The following MTTP variants were observed in gnomAD, a reference collection of about 807,000 sequenced individuals.
MTTP encodes microsomal triglyceride transfer protein large subunit.
In MTTP, 49 loss-of-function variants were observed where a neutral mutation model predicts 90.6. The ratio of observed to expected loss-of-function variants is 0.54; its 90% confidence interval spans 0.43 to 0.69. The LOEUF (loss-of-function observed/expected upper bound fraction) is 0.69. MTTP is among the 30% of genes least tolerant of loss of function. The pLI, the probability that MTTP is intolerant of heterozygous loss-of-function variation, is 0.00. For missense variants in MTTP, 945 were observed against 1,067.5 expected (o/e 0.89, Z 1.60); for synonymous variants, 347 against 384.2 (o/e 0.90, Z 1.13).
intron 17 of MTTP, among the ~76,000 whole-genome samples, chr4:99,621,837 T>C (rs1262228903): frequency 1.3e-5 from 2 of 152,224 alleles, no homozygotes; most frequent in East Asian, 3.8e-4. Context: ...TTTGTAACCA[T>C]TATTTGTAAC....
intron 5 of MTTP, 101 bp downstream of exon 5, chr4:99,591,452 C>T: frequency 8.3e-7 from 1 of 1,200,250 alleles, no homozygotes; most frequent in Non-Finnish European, 1.2e-6. Context: ...AATTTTGAAA[C>T]ATTTGTAATT....
chr4:99,590,286 C>T (rs542851517), intron 4 of MTTP, among the ~76,000 whole-genome samples: 1 of 152,256 alleles, frequency 6.6e-6, no homozygotes, highest in South Asian at 2.1e-4. Flanking sequence ...GACAGGGTTT[C>T]ACCATGTTGG....
chr4:99,569,099 C>A (rs757887146), intron 1 of MTTP, among the ~76,000 whole-genome samples: 1 of 152,086 alleles, frequency 6.6e-6, no homozygotes, highest in African/African-American at 2.4e-5. Flanking sequence ...ACTGCTGAGC[C>A]AGGTGATCAA....
chr4:99,596,222 G>T (rs1208344253), intron 7 of MTTP, among the ~76,000 whole-genome samples: 1 of 152,060 alleles, frequency 6.6e-6, no homozygotes, highest in Non-Finnish European at 1.5e-5. Flanking sequence ...TAAAAGTAAT[G>T]AATAATTTAA....
In MTTP at chr4:99,612,917, T is replaced by A; in HGVS notation, c.1994T>A (p.Val665Asp). 2.5e-6 allele frequency: 4 copies of A among 1,613,666 alleles called. No individual in the cohort carries two copies. The highest frequency in any genetic ancestry group is 3.4e-6 in the Non-Finnish European group (4 of 1,179,682). ...GKAGLHGSQV[V>D]IEAQGLEALI... ...CATTATATTGATTTTATCCAGGTGG[T>A]TATTGAAGCCCAAGGACTGGAAGCC... The change falls in exon 15 of 18, where the codon GTT (valine) becomes GAT (aspartate). Residue 665 changes from valine to aspartate, a missense_variant. Physicochemically the swap from Val to Asp is radical, Grantham distance 152. Transcript: ENST00000265517.
chr4:99,621,411 A>G (rs1004018412), intron 17 of MTTP, among the ~76,000 whole-genome samples, 180 bp downstream of exon 17: 7 of 150,034 alleles, frequency 4.7e-5, no homozygotes, highest in Middle Eastern at 3.2e-3. Flanking sequence ...AGTTTCTGGG[A>G]TACCAAAAAA....
chr4:99,605,944 T>C (rs1725807512), intron 10 of MTTP, among the ~76,000 whole-genome samples: 1 of 151,796 alleles, frequency 6.6e-6, no homozygotes, highest in Non-Finnish European at 1.5e-5. Context: ...AGGTTATGAA[T>C]CCTGTGGATG....
At chr4:99,571,108 A>C (rs1461773814), upstream of MTTP, among the ~76,000 whole-genome samples, 1 of 151,734 alleles carries the variant, frequency 6.6e-6, no homozygotes, top group African/African-American at 2.4e-5. Flanking sequence ...CCTTTGCACC[A>C]CTCACTCTAT....
chr4:99,567,588 A>G (rs1368553511), intron 1 of MTTP, among the ~76,000 whole-genome samples: 1 of 152,220 alleles, frequency 6.6e-6, no homozygotes, highest in Non-Finnish European at 1.5e-5. Context: ...GGAGGGTCTG[A>G]AGCTGCTGGA....
rs1353634930 is a variant in MTTP, at chr4:99,594,882, C to G, written c.908C>G (p.Ser303Cys). The G allele has an allele frequency of 6.2e-7, 1 of 1,613,630 alleles. No individual in the cohort carries two copies. The highest frequency in any genetic ancestry group is 8.5e-7 in the Non-Finnish European group (1 of 1,179,716). Residue 303 changes from serine to cysteine, a missense_variant and splice_region_variant, in exon 7 of 18, where the codon TCT becomes TGT. Ser to Cys is a moderately radical substitution (Grantham distance 112). Transcript: ENST00000265517. The stretch of plus-strand genomic sequence containing the variant: ...CAGAGCCACTGTAAAGGATGTCCTT[C>G]TGTAAGTGCAGACAAATATGGGAAT... ...VFQSHCKGCP[S>C]LSELWRSTRK... is the part of the protein sequence containing the mutation.
intron 1 of MTTP, among the ~76,000 whole-genome samples, chr4:99,564,709 A>G (rs1464703178): frequency 6.6e-6 from 1 of 152,184 alleles, no homozygotes; most frequent in Non-Finnish European, 1.5e-5. Context: ...ATAGGTGATT[A>G]TTGCAGAATT....
intron 9 of MTTP, 131 bp from the exon 10 acceptor site, chr4:99,601,465 TGTCTCAAAAGC>T: frequency 4.8e-6 from 3 of 623,990 alleles, no homozygotes; most frequent in Non-Finnish European, 5.8e-6. Flanking sequence ...AATGTGTAAG[TGTCTCAAAAGC>T]AAAATTCTGA....
intron 3 of MTTP, among the ~76,000 whole-genome samples, chr4:99,587,002 G>A (rs1377918588): frequency 6.6e-6 from 1 of 152,112 alleles, no homozygotes; most frequent in Non-Finnish European, 1.5e-5. Context: ...TGTGCTCTTG[G>A]ATGTTCAGAA....
intron 6 of MTTP, among the ~76,000 whole-genome samples, chr4:99,592,648 C>A (rs371064056): frequency 1.3e-5 from 2 of 152,178 alleles, no homozygotes; most frequent in South Asian, 2.1e-4. Flanking sequence ...AAGGCACTTA[C>A]AACCTCCAAA....
chr4:99,609,744 G>A (rs1463874557), intron 12 of MTTP, among the ~76,000 whole-genome samples: 1 of 152,130 alleles, frequency 6.6e-6, no homozygotes, highest in Non-Finnish European at 1.5e-5. Context: ...AAGACTGAAG[G>A]AAGACATAAG....
At chr4:99,615,813 CA>C (rs1726084506) in intron 15 of MTTP, among the ~76,000 whole-genome samples, 1 of 152,150 alleles carries the variant, frequency 6.6e-6, no homozygotes, top group Non-Finnish European at 1.5e-5. Flanking sequence ...TAAATGGAAG[CA>C]ACAGGATGAG....
chr4:99,585,891 C>T (rs1725247121), intron 3 of MTTP, among the ~76,000 whole-genome samples: 1 of 152,012 alleles, frequency 6.6e-6, no homozygotes, highest in Non-Finnish European at 1.5e-5. Context: ...ACTAAGAAGC[C>T]AACAGGAAGT....
intron 15 of MTTP, 89 bp downstream of exon 15, chr4:99,613,229 C>T: frequency 8.4e-7 from 1 of 1,185,264 alleles, no homozygotes; most frequent in Non-Finnish European, 1.2e-6. Context: ...GGATACAAGA[C>T]AAAATTGTGC....
intron 8 of MTTP, among the ~76,000 whole-genome samples, chr4:99,600,016 T>C (rs901676733): frequency 1.3e-5 from 2 of 152,164 alleles, no homozygotes; most frequent in Non-Finnish European, 2.9e-5. Context: ...TGTTCACACA[T>C]ATTCATTGTG....
Sources: allele counts gnomAD v4.1 joint callset (sites outside exome capture counted in the v4.1 genomes callset), GRCh38; gene constraint gnomAD v4.1.1; transcripts MANE v1.5; gene names NCBI Gene and HGNC (gene_info 2026-07-23, HGNC 2026-07-21).